Variants in MYPN observed in about 807,000 individuals in gnomAD.
MYPN encodes myopalladin.
MYPN carries 63 observed loss-of-function variants against 129.4 expected under a neutral mutation model. The observed-to-expected ratio is 0.49, with a 90% CI of 0.40 to 0.60. MYPN has a LOEUF of 0.60. Ranked by LOEUF, MYPN falls within the 20% of genes least tolerant of loss-of-function variation. The pLI is 0.00. For synonymous variants in MYPN, 629 were observed against 600.9 expected, an observed-to-expected ratio of 1.05 and a Z score of -0.68; for missense variants, 1,596 against 1,635.4, an observed-to-expected ratio of 0.98 and a Z score of 0.42.
chr10:68,147,600 C>T (rs558111471), intron 4 of MYPN, among the ~76,000 whole-genome samples: 1 of 152,324 alleles, frequency 6.6e-6, no homozygotes, highest in East Asian at 1.9e-4. Flanking sequence ...CCCAAGTTCT[C>T]TTCAAGTCCA....
chr10:68,158,437 CA>C, intron 6 of MYPN, 48 bp from the exon 7 acceptor site: 2 of 1,580,034 alleles, frequency 1.3e-6, no homozygotes, highest in Non-Finnish European at 1.7e-6. Flanking sequence ...AACTAGATTA[CA>C]AAAATGTGTA....
rs1589623444 is a variant in MYPN at position 68,210,674 on chromosome 10, G to A, written c.*219G>A. On this transcript the variant is annotated 3_prime_UTR_variant, in exon 20 of 20. Transcript: ENST00000358913. ...TCTAAAGATTCCAACAGAGATGTGA[G>A]AAGATAATACAGATGAACCAAAGAT... is the stretch of plus-strand genomic sequence containing the variant. 28 of 660,504 alleles carry A rather than the reference G, an allele frequency of 4.2e-5. No individual in the cohort carries two copies. The East Asian group carries it at 8.5e-4, about 20-fold the overall frequency. The allele number at this position is 660,504 out of a possible 1,614,324, so 40.9% of individuals were successfully genotyped here. A position where few individuals can be genotyped will look rare whatever the true frequency, so the allele number is the denominator to read the frequency against.
At chr10:68,193,796 T>TGC (rs1020505694) in intron 13 of MYPN, among the ~76,000 whole-genome samples, 12 of 109,988 alleles carry the variant, frequency 1.1e-4, no homozygotes, top group African/African-American at 4.2e-4. Context: ...GATGTGTATG[T>TGC]GCACACACAC....
At chr10:68,197,840 T>A (rs911703214) in intron 16 of MYPN, among the ~76,000 whole-genome samples, 18 of 151,456 alleles carry the variant, frequency 1.2e-4, no homozygotes, top group African/African-American at 4.2e-4. Flanking sequence ...CTGAGCCCTA[T>A]ATATACTATT....
At chr10:68,101,986 A>G (rs924752111), upstream of MYPN, among the ~76,000 whole-genome samples, 12 of 152,154 alleles carry the variant, frequency 7.9e-5, no homozygotes, top group Middle Eastern at 3.4e-3. Flanking sequence ...TCACATTGTC[A>G]TCTGCCTTTA....
chr10:68,157,047 G>A (rs1806936020), intron 6 of MYPN, among the ~76,000 whole-genome samples: 1 of 152,154 alleles, frequency 6.6e-6, no homozygotes, highest in Non-Finnish European at 1.5e-5. Context: ...TGATGAATAA[G>A]AAACTAGCTG....
At chr10:68,167,849 G>C (rs1327239660) in intron 10 of MYPN, among the ~76,000 whole-genome samples, 3 of 152,166 alleles carry the variant, frequency 2.0e-5, no homozygotes, top group Non-Finnish European at 4.4e-5. Context: ...TCCACTTAAA[G>C]TAAAAAGAGG....
intron 1 of MYPN, among the ~76,000 whole-genome samples, chr10:68,117,889 T>C (rs1589524754): frequency 6.6e-6 from 1 of 152,002 alleles, no homozygotes; most frequent in Non-Finnish European, 1.5e-5. Flanking sequence ...ATATGGCTAC[T>C]ACTATTATAT....
At chr10:68,188,396 C>T (rs917743516) in intron 12 of MYPN, among the ~76,000 whole-genome samples, 1 of 145,460 alleles carries the variant, frequency 6.9e-6, no homozygotes, top group African/African-American at 2.5e-5. Flanking sequence ...AGGCGTGAGC[C>T]ACCATGCCTG....
intron 2 of MYPN, among the ~76,000 whole-genome samples, chr10:68,137,258 T>C (rs2042501673): frequency 6.6e-6 from 1 of 152,226 alleles, no homozygotes; most frequent in South Asian, 2.1e-4. Flanking sequence ...GATCCTCACA[T>C]TGGCTTCTGC....
intron 6 of MYPN, among the ~76,000 whole-genome samples, chr10:68,157,670 CAAAAAAAAAAAA>C (rs71009010): frequency 2.4e-5 from 2 of 84,888 alleles, no homozygotes; most frequent in Non-Finnish European, 4.5e-5. Flanking sequence ...CCTGTCTCTA[CAAAAAAAAAAAA>C]AAAAAAAAAA....
intron 1 of MYPN, among the ~76,000 whole-genome samples, chr10:68,114,821 CATTA>C (rs1354027321): frequency 6.6e-6 from 1 of 152,166 alleles, no homozygotes; most frequent in African/African-American, 2.4e-5. Context: ...TTTGATGCCA[CATTA>C]ATTGTTTCAT....
At chr10:68,107,656 C>CT (rs1315969817), upstream of MYPN, among the ~76,000 whole-genome samples, 1 of 151,974 alleles carries the variant, frequency 6.6e-6, no homozygotes, top group Non-Finnish European at 1.5e-5. Flanking sequence ...CGGCCGGCTT[C>CT]TTTTTTCTGT....
intron 1 of MYPN, among the ~76,000 whole-genome samples, chr10:68,093,344 T>TTTTTAGA (rs1407457888): frequency 1.3e-5 from 2 of 151,942 alleles, no homozygotes; most frequent in Non-Finnish European, 2.9e-5. Context: ...GTAGCTGACA[T>TTTTTAGA]CAGAAAGGGG....
In MYPN at chr10:68,111,803, C is replaced by T. The variant is rs182203036; in HGVS notation, c.-2+2080C>T. Among the ~76,000 whole-genome samples the T allele has an allele frequency of 3.3e-5, 5 of 152,300 alleles. No individual in the cohort carries two copies. The East Asian group carries it at 9.6e-4, about 29-fold the overall frequency. Reference sequence around the variant, plus strand: ...CCTCCACTCGGAGTCACAGTGCACTCCACTCTCAGGGAGGGGCCCAATAGA... The same window carrying T: ...CCTCCACTCGGAGTCACAGTGCACTTCACTCTCAGGGAGGGGCCCAATAGA... On this transcript the variant is annotated intron_variant, in intron 1 of 19. Transcript: ENST00000358913.
chr10:68,104,556 G>T (rs2041998081), upstream of MYPN, among the ~76,000 whole-genome samples: 3 of 152,268 alleles, frequency 2.0e-5, no homozygotes, highest in Admixed American at 1.3e-4. Context: ...CAGCAATAAT[G>T]CCTAACTCCA....
chr10:68,210,014 C>A (rs1035038900), intron 19 of MYPN, among the ~76,000 whole-genome samples: 3 of 152,100 alleles, frequency 2.0e-5, no homozygotes, highest in Non-Finnish European at 2.9e-5. Flanking sequence ...GAATTCTAAT[C>A]TCTCACTTGT....
At chr10:68,088,637 C>A (rs1169232124) in intron 1 of MYPN, among the ~76,000 whole-genome samples, 2 of 152,106 alleles carry the variant, frequency 1.3e-5, no homozygotes, top group Non-Finnish European at 2.9e-5. Flanking sequence ...GAAGTTACAG[C>A]TCCTCATTAA....
chr10:68,166,252 T>G (rs1377845458), intron 9 of MYPN, 42 bp from the exon 10 acceptor site: 5 of 1,613,570 alleles, frequency 3.1e-6, no homozygotes, highest in Non-Finnish European at 4.2e-6. Flanking sequence ...CAATTCAGGC[T>G]TACAGTGGCT....
Sources: allele counts gnomAD v4.1 joint callset (sites outside exome capture counted in the v4.1 genomes callset), GRCh38; gene constraint gnomAD v4.1.1; transcripts MANE v1.5; gene names NCBI Gene and HGNC (gene_info 2026-07-23, HGNC 2026-07-21).